The following GPC5 variants were observed in gnomAD, a reference collection of about 807,000 sequenced individuals.
GPC5 encodes the protein glypican-5.
A neutral mutation model predicts 53.9 loss-of-function variants in GPC5; 47 were observed. The ratio of observed to expected loss-of-function variants is 0.87; its 90% CI spans 0.69 to 1.11. The LOEUF is 1.11. Among genes scored for constraint, GPC5 ranks in the 50% most tolerant of loss-of-function variants. The pLI is 0.00. For missense variants in GPC5, 748 were observed against 713.1 expected (o/e 1.05, Z -0.56); for synonymous variants, 286 against 263.3 (o/e 1.09, Z -0.84).
At chr13:91,765,037 C>T (rs2037495309) in intron 5 of GPC5, among the ~76,000 whole-genome samples, 1 of 152,190 alleles carries the variant, frequency 6.6e-6, no homozygotes, top group African/African-American at 2.4e-5. Flanking sequence ...ATCATCTATT[C>T]TAGCCCATAG....
At chr13:91,569,055 T>C (rs1294596072) in intron 2 of GPC5, among the ~76,000 whole-genome samples, 1 of 152,144 alleles carries the variant, frequency 6.6e-6, no homozygotes, top group Non-Finnish European at 1.5e-5. Context: ...CTGGCTGTTA[T>C]CTCTTTTTTA....
At chr13:92,778,758 T>C (rs1446512338) in intron 7 of GPC5, among the ~76,000 whole-genome samples, 1 of 152,192 alleles carries the variant, frequency 6.6e-6, no homozygotes, top group Non-Finnish European at 1.5e-5. Context: ...GACTTAGCTA[T>C]TCACATAAAG....
chr13:92,850,249 T>A (rs539533389), intron 7 of GPC5, among the ~76,000 whole-genome samples: 1 of 152,280 alleles, frequency 6.6e-6, no homozygotes, highest in East Asian at 1.9e-4. Flanking sequence ...GCCAACTCCC[T>A]CACAGCATTG....
At chr13:92,657,836 A>G (rs1432622094) in intron 7 of GPC5, among the ~76,000 whole-genome samples, 2 of 152,132 alleles carry the variant, frequency 1.3e-5, no homozygotes, top group African/African-American at 2.4e-5. Context: ...GACTGTTACT[A>G]CAGTCTATAT....
At chr13:92,839,402 G>T (rs892598375) in intron 7 of GPC5, among the ~76,000 whole-genome samples, 9 of 152,074 alleles carry the variant, frequency 5.9e-5, no homozygotes, top group Admixed American at 5.2e-4. Flanking sequence ...CATCACGCAG[G>T]TATTAAGCCT....
chr13:91,721,729 A>G (rs1322306744), intron 3 of GPC5, among the ~76,000 whole-genome samples: 1 of 152,144 alleles, frequency 6.6e-6, no homozygotes, highest in East Asian at 1.9e-4. Flanking sequence ...CTCTGCATAT[A>G]AAGTTTTTCC....
intron 2 of GPC5, among the ~76,000 whole-genome samples, chr13:91,558,858 G>A (rs188933872): frequency 4.6e-4 from 70 of 152,128 alleles, no homozygotes; most frequent in African/African-American, 1.5e-3. Flanking sequence ...GGACTTCCAC[G>A]TTTGTTCCTT....
At chr13:92,627,173 T>C (rs1885072512) in intron 7 of GPC5, among the ~76,000 whole-genome samples, 2 of 152,220 alleles carry the variant, frequency 1.3e-5, no homozygotes, top group African/African-American at 4.8e-5. Context: ...CCTGTAGTCC[T>C]TTTAGAAGAA....
chr13:92,264,006 G>GAA (rs1360236700), intron 7 of GPC5, among the ~76,000 whole-genome samples: 1 of 152,012 alleles, frequency 6.6e-6, no homozygotes, highest in East Asian at 1.9e-4. Flanking sequence ...TAATCAGATT[G>GAA]ATTTAATTAC....
At chr13:92,579,153 A>G (rs1883282995) in intron 7 of GPC5, among the ~76,000 whole-genome samples, 2 of 152,134 alleles carry the variant, frequency 1.3e-5, no homozygotes, top group African/African-American at 2.4e-5. Context: ...AAAAAGAAAG[A>G]AATAGGGTAA....
chr13:91,609,501 T>G (rs1483676697), intron 2 of GPC5, among the ~76,000 whole-genome samples: 6 of 152,218 alleles, frequency 3.9e-5, no homozygotes, highest in Admixed American at 3.9e-4. Context: ...TTAAGGTTCC[T>G]TAATCTGCCA....
chr13:92,177,113 G>A (rs369609241), intron 7 of GPC5, among the ~76,000 whole-genome samples: 21 of 152,268 alleles, frequency 1.4e-4, no homozygotes, highest in East Asian at 1.2e-3. Flanking sequence ...TCACCAGCTT[G>A]TTGTTTTGCA....
chr13:91,482,865 T>G (rs1237577800), intron 2 of GPC5, among the ~76,000 whole-genome samples: 1 of 80,004 alleles, frequency 1.2e-5, no homozygotes. Flanking sequence ...AGAATGCAGG[T>G]TTTTTTTTTT....
chr13:92,818,562 C>T lies in GPC5; in HGVS notation c.1562-47720C>T, dbSNP rs564877910. On this transcript the variant is annotated intron_variant, in intron 7 of 7. Coordinates refer to ENST00000377067, the MANE Select transcript of GPC5 (RefSeq NM_004466.6). ...AAGTAGGGTCTAACAGCTGGCATAA[C>T]GTAAACAAACTGCAGGTATTGAAAG... 7.2e-5 allele frequency among the ~76,000 whole-genome samples: 11 copies of T among 151,960 alleles called. No individual in the cohort carries two copies. In the South Asian group the frequency reaches 1.0e-3, roughly 14 times the overall value.
At chr13:92,119,544 G>A (rs1229032948) in intron 6 of GPC5, among the ~76,000 whole-genome samples, 2 of 146,742 alleles carry the variant, frequency 1.4e-5, no homozygotes, top group Non-Finnish European at 3.0e-5. Context: ...GGACTACAAG[G>A]CGCCCGCCAC....
intron 7 of GPC5, among the ~76,000 whole-genome samples, chr13:92,200,974 GACACACAC>G (rs66619017): frequency 0.018 from 2,600 of 146,966 alleles, 55 homozygotes; most frequent in African/African-American, 0.051. Flanking sequence ...CAGGCACTCA[GACACACAC>G]ACACACACAC....
intron 7 of GPC5, among the ~76,000 whole-genome samples, chr13:92,651,173 A>G (rs1406737456): frequency 2.0e-5 from 3 of 151,788 alleles, no homozygotes; most frequent in Admixed American, 1.3e-4. Context: ...CCCTTTATAT[A>G]TATATGTATA....
intron 3 of GPC5, among the ~76,000 whole-genome samples, chr13:91,721,955 C>T (rs546683688): frequency 1.7e-4 from 26 of 152,256 alleles, no homozygotes; most frequent in East Asian, 3.9e-4. Flanking sequence ...TTTTAGTTTT[C>T]TCACTGGAAT....
chr13:91,768,687 A>G (rs897151689), intron 5 of GPC5, among the ~76,000 whole-genome samples: 2 of 152,220 alleles, frequency 1.3e-5, no homozygotes, highest in African/African-American at 4.8e-5. Flanking sequence ...TAAACCAACA[A>G]CAGTTTAGAA....
Sources: allele counts gnomAD v4.1 joint callset (sites outside exome capture counted in the v4.1 genomes callset), GRCh38; gene constraint gnomAD v4.1.1; transcripts MANE v1.5; gene names NCBI Gene and HGNC (gene_info 2026-07-23, HGNC 2026-07-21).